Variants in SH2B2 observed in about 807,000 individuals in gnomAD.
SH2B2 encodes SH2B adaptor protein 2, also known as SH2B adapter protein 2.
SH2B2 carries 37 observed loss-of-function variants against 35.7 expected under a neutral mutation model. That is an observed-to-expected ratio of 1.04 (90% CI 0.80 to 1.36). The LOEUF (loss-of-function observed/expected upper bound fraction) is 1.36. Among genes scored for constraint, SH2B2 ranks in the 40% most tolerant of loss-of-function variants. SH2B2 has a pLI of 0.00. For synonymous variants in SH2B2, 383 were observed against 376.4 expected (o/e 1.02, Z -0.20); for missense variants, 852 against 817.7 (o/e 1.04, Z -0.51).
At chr7:102,290,359 G>C (rs1181585462) in intron 1 of SH2B2, among the ~76,000 whole-genome samples, 2 of 146,716 alleles carry the variant, frequency 1.4e-5, no homozygotes, top group Non-Finnish European at 3.0e-5. Context: ...CCACCTCTGG[G>C]GTTCAAGCAA....
Position 102,306,677 on chromosome 7 carries a change from C to T in SH2B2, c.730-44C>T, listed in dbSNP as rs369877390. 9.2e-6 allele frequency: 13 copies of T among 1,416,232 alleles called. 2 individuals carry two copies. The highest frequency in any genetic ancestry group is 1.7e-4 in the Middle Eastern group (1 of 5,758). The allele number at this position is 1,416,232 out of a possible 1,614,324, so 87.7% of individuals were successfully genotyped here. On this transcript the variant is annotated intron_variant, in intron 2 of 8. Transcript: ENST00000444095. Reference sequence around the variant, plus strand: ...AGCGGGGAGGGGATGGAAAGGGTGTCGGGAAATGCTGGGGCCACTCACTAT... The same window carrying T: ...AGCGGGGAGGGGATGGAAAGGGTGTTGGGAAATGCTGGGGCCACTCACTAT...
chr7:102,318,944 G>A (rs1793957528), intron 7 of SH2B2, among the ~76,000 whole-genome samples: 1 of 152,204 alleles, frequency 6.6e-6, no homozygotes, highest in South Asian at 2.1e-4. Flanking sequence ...TAGGATGGGG[G>A]AACAAAGGGT....
At chr7:102,303,374 G>T (rs185926337) in intron 2 of SH2B2, among the ~76,000 whole-genome samples, 79 of 152,178 alleles carry the variant, frequency 5.2e-4, no homozygotes, top group African/African-American at 1.9e-3. Context: ...GACCACCGGG[G>T]ACCCCACACC....
At chr7:102,320,591 C>T in intron 8 of SH2B2, 89 bp downstream of exon 8, 1 of 1,481,020 alleles carries the variant, frequency 6.8e-7, no homozygotes. Flanking sequence ...GGGATGAGCC[C>T]CAGGTCTCCT....
chr7:102,290,978 G>A lies in SH2B2; in HGVS notation c.-30+3884G>A, dbSNP rs565988633. 2.3e-3 allele frequency among the ~76,000 whole-genome samples: 358 copies of A among 152,342 alleles called. 5 individuals are homozygous for A. The South Asian group carries it at 0.036, about 15-fold the overall frequency. ...GCTGTCACCTCCATCTTAACAGATG[G>A]GGAAACTGAGGCTCCAGAGTCCAAG... On this transcript the variant is annotated intron_variant, in intron 1 of 8. Coordinates refer to ENST00000444095, the MANE Select transcript of SH2B2 (RefSeq NM_001359228.2).
intron 5 of SH2B2, 25 bp downstream of exon 5, chr7:102,314,452 G>A: frequency 7.5e-6 from 3 of 398,772 alleles, no homozygotes; most frequent in Non-Finnish European, 1.3e-5. Flanking sequence ...AGGGTTGAAG[G>A]AGGGGCACAC....
At position 102,308,787 on chromosome 7, in the gene SH2B2, C is replaced by T. The variant is rs373666066; in HGVS notation, c.832-28C>T. ...CTGGAGCCCATCTGCTGACCGTGTTCTGCACTCCCGGCCACCTTCCTCCCC... is the reference window on the plus strand; with the variant it reads ...CTGGAGCCCATCTGCTGACCGTGTTTTGCACTCCCGGCCACCTTCCTCCCC... On this transcript the variant is annotated intron_variant, in intron 3 of 8. Coordinates refer to ENST00000444095, the MANE Select transcript of SH2B2 (RefSeq NM_001359228.2). The T allele has an allele frequency of 4.4e-6, 7 of 1,574,716 alleles. No individual in the cohort carries two copies. In the African/African-American group the frequency reaches 6.7e-5, roughly 15 times the overall value.
chr7:102,306,109 G>A (rs1320208550), intron 2 of SH2B2, among the ~76,000 whole-genome samples: 3 of 151,564 alleles, frequency 2.0e-5, no homozygotes, highest in African/African-American at 4.8e-5. Context: ...TCTGTGAAAC[G>A]GAGTTTCATT....
chr7:102,293,184 G>A (rs1490560800), intron 1 of SH2B2: 1 of 153,696 alleles, frequency 6.5e-6, no homozygotes, highest in Non-Finnish European at 1.5e-5. Flanking sequence ...GCGCGGGCGG[G>A]GGCTGAAGAC....
chr7:102,287,369 C>T (rs1792496101), intron 1 of SH2B2, among the ~76,000 whole-genome samples: 1 of 152,102 alleles, frequency 6.6e-6, no homozygotes, highest in Non-Finnish European at 1.5e-5. Flanking sequence ...AGCAGCTGCG[C>T]CCCCGCCCCC....
At chr7:102,318,753 A>G (rs1793952477) in intron 7 of SH2B2, among the ~76,000 whole-genome samples, 1 of 152,086 alleles carries the variant, frequency 6.6e-6, no homozygotes, top group African/African-American at 2.4e-5. Flanking sequence ...GGTTGGCCCC[A>G]CCATGCAGGA....
At chr7:102,317,426 A>G in intron 7 of SH2B2, 31 bp downstream of exon 7, 1 of 1,529,892 alleles carries the variant, frequency 6.5e-7, no homozygotes. Flanking sequence ...ATGGGGGTGC[A>G]GTGGCCAGCC....
At chr7:102,308,708 C>T (rs1339585789) in intron 3 of SH2B2, 107 bp from the exon 4 acceptor site, 3 of 815,240 alleles carry the variant, frequency 3.7e-6, no homozygotes, top group Non-Finnish European at 6.4e-6. Context: ...TTGAGCCCTG[C>T]TGTGGGAGAG....
At position 102,321,534 on chromosome 7, in the gene SH2B2, C is replaced by T. The variant is rs1330200384; in HGVS notation, c.1803C>T (p.Arg601=). ...GGAGCCGCAGCAACAGCGCCGAGCGCCTGCTGGAGGCCGTGGCCGCCACCG... is the reference window on the plus strand; with the variant it reads ...GGAGCCGCAGCAACAGCGCCGAGCGTCTGCTGGAGGCCGTGGCCGCCACCG... The part of the protein sequence containing the change: ...SARSRSNSAE[R]LLEAVAATAA... The change falls in exon 9 of 9, where the codon CGC becomes CGT. Residue 601 remains arginine (R), a synonymous_variant. Coordinates refer to ENST00000444095, the MANE Select transcript of SH2B2 (RefSeq NM_001359228.2). 4 of 1,145,434 alleles carry T rather than the reference C, an allele frequency of 3.5e-6. No individual in the cohort carries two copies. Among genetic ancestry groups the T allele is most frequent in the Non-Finnish European group, 4.3e-6 (4 of 933,646 alleles). 71.0% of individuals were successfully genotyped at this position (1,145,434 alleles called of 1,614,324 possible). A position where few individuals can be genotyped will look rare whatever the true frequency, so the allele number is the denominator to read the frequency against.
intron 4 of SH2B2, chr7:102,309,524 C>T: frequency 3.1e-6 from 1 of 319,340 alleles, no homozygotes; most frequent in East Asian, 1.1e-4. Flanking sequence ...CCATGCGCAG[C>T]TAATTTTTAT....
In SH2B2 at chr7:102,321,368, AC is replaced by A; in HGVS notation, c.1638del (p.Phe547SerfsTer101). The A allele has an allele frequency of 7.0e-7, 1 of 1,425,348 alleles. No individual in the cohort carries two copies. The highest frequency in any genetic ancestry group is 9.1e-7 in the Non-Finnish European group (1 of 1,093,370). 88.3% of individuals were successfully genotyped at this position (1,425,348 alleles called of 1,614,324 possible). On this transcript the variant is annotated frameshift_variant, in exon 9 of 9. Coordinates refer to ENST00000444095, the MANE Select transcript of SH2B2 (RefSeq NM_001359228.2). LOFTEE classifies it low-confidence loss of function (END_TRUNC). ...ACWSDSPGQH[Y>X]FSSLAAAACP... ...TGGAGCGACTCGCCCGGCCAGCACT[AC>A]TTCTCCAGCCTCGCCGCGGCCGCCT...
At position 102,300,698 on chromosome 7, in the gene SH2B2, C is replaced by G. The variant is rs782037937; in HGVS notation, c.148C>G (p.Pro50Ala). ...GTTCTGCCGTTTCCTGCGGGACAAC[C>G]CAGCTTACGACACGCCCGACGCCGG... is the stretch of plus-strand genomic sequence containing the variant. ...HKFCRFLRDN[P>A]AYDTPDAGAS... is the part of the protein sequence containing the mutation. Residue 50 changes from proline (P) to alanine (A), a missense_variant, in exon 2 of 9, where the codon CCA (proline) becomes GCA (alanine). Pro to Ala is a conservative substitution (Grantham distance 27). This residue lies in a region of SH2B2 where 294 missense variants were observed against 286.6 expected (regional missense o/e 1.03). Transcript: ENST00000444095. The G allele has an allele frequency of 8.4e-6, 13 of 1,544,940 alleles. No individual in the cohort carries two copies. The highest frequency in any genetic ancestry group is 1.1e-5 in the Non-Finnish European group (13 of 1,142,640).
At chr7:102,287,479 G>A (rs1792500351) in intron 1 of SH2B2, among the ~76,000 whole-genome samples, 1 of 152,174 alleles carries the variant, frequency 6.6e-6, no homozygotes, top group Non-Finnish European at 1.5e-5. Flanking sequence ...TCCCTACGCT[G>A]GGAGCGCTGG....
chr7:102,293,902 T>A (rs1485637709), intron 1 of SH2B2, among the ~76,000 whole-genome samples: 1 of 152,074 alleles, frequency 6.6e-6, no homozygotes, highest in Non-Finnish European at 1.5e-5. Context: ...CCAACTCAGC[T>A]GGTCTGTTTG....
Sources: gnomAD v4.1 joint callset for allele counts (sites outside exome capture counted in the v4.1 genomes callset) on GRCh38, gnomAD v4.1.1 for gene constraint, gnomAD v4.1.1 regional missense constraint, MANE v1.5 for transcripts, NCBI Gene and HGNC (gene_info 2026-07-23, HGNC 2026-07-21) for gene names.